MAPK10: variants seen among roughly 807,000 people sequenced by gnomAD.
MAPK10 encodes JNK3 alpha protein kinase.
A neutral mutation model predicts 59.3 loss-of-function variants in MAPK10; 25 were observed. The ratio of observed to expected loss-of-function variants is 0.42; its 90% CI spans 0.31 to 0.59. The LOEUF is 0.59. Among genes scored for constraint, MAPK10 ranks in the 20% least tolerant of loss-of-function variants. MAPK10 has a pLI of 0.15. For missense variants in MAPK10, 351 were observed against 568.9 expected (o/e 0.62, Z 3.90); for synonymous variants, 190 against 200.5 (o/e 0.95, Z 0.44).
rs201097900 is a variant in MAPK10, at chr4:86,101,237, A to G, written c.565-20T>C. The G allele has an allele frequency of 1.8e-4, 284 of 1,594,654 alleles. 1 individual carries two copies. The East Asian group carries it at 6.1e-3, about 34-fold the overall frequency. The stretch of plus-strand genomic sequence containing the variant: ...TAAATCCTAACAGTAAGGATAAGGG[A>G]AAAAATTAAAAGCCAGTATCAAGTG... On this transcript the variant is annotated intron_variant, in intron 7 of 13. Coordinates refer to ENST00000641462, the MANE Select transcript of MAPK10 (RefSeq NM_138982.4).
intron 1 of MAPK10, among the ~76,000 whole-genome samples, chr4:86,430,455 G>A (rs1048975320): frequency 7.2e-5 from 11 of 152,268 alleles, no homozygotes; most frequent in African/African-American, 2.6e-4. Flanking sequence ...TTTGGTAGGT[G>A]CTAGAAATAC....
intron 11 of MAPK10, among the ~76,000 whole-genome samples, chr4:86,040,401 A>G (rs2148937932): frequency 6.6e-6 from 1 of 152,324 alleles, no homozygotes; most frequent in East Asian, 1.9e-4. Context: ...GAAGGAGAAG[A>G]AAGAATTTGT....
At chr4:86,292,215 A>C (rs1010968270) in intron 2 of MAPK10, among the ~76,000 whole-genome samples, 4 of 152,222 alleles carry the variant, frequency 2.6e-5, no homozygotes, top group African/African-American at 9.6e-5. Flanking sequence ...GAACATCTAG[A>C]AATGTGTGCA....
At chr4:86,545,006 G>A (rs1443067621) in intron 1 of MAPK10, among the ~76,000 whole-genome samples, 1 of 152,010 alleles carries the variant, frequency 6.6e-6, no homozygotes, top group African/African-American at 2.4e-5. Context: ...AAGAGAGGAA[G>A]GAAGAAAGCA....
chr4:86,044,492 A>G (rs781465572), intron 11 of MAPK10: 3 of 362,692 alleles, frequency 8.3e-6, no homozygotes, highest in Non-Finnish European at 1.5e-5. Flanking sequence ...TTGCCTAGTT[A>G]TGTTTCATTT....
At chr4:86,098,715 C>T in intron 8 of MAPK10, 120 bp from the exon 9 acceptor site, 1 of 845,628 alleles carries the variant, frequency 1.2e-6, no homozygotes, top group Non-Finnish European at 1.9e-6. Flanking sequence ...TTTCACCTCC[C>T]ACCAAAAGTT....
chr4:86,089,102 T>C (rs2052550253), intron 9 of MAPK10: 14 of 862,312 alleles, frequency 1.6e-5, no homozygotes, highest in Non-Finnish European at 2.3e-5. Context: ...ATAGAAACTC[T>C]CTAAGGACAG....
At chr4:86,541,713 T>A (rs542517337) in intron 1 of MAPK10, among the ~76,000 whole-genome samples, 5 of 152,290 alleles carry the variant, frequency 3.3e-5, no homozygotes, top group African/African-American at 1.2e-4. Context: ...ACCCAGTAAT[T>A]ATTCTCTATT....
intron 2 of MAPK10, among the ~76,000 whole-genome samples, chr4:86,294,198 T>C (rs1204099096): frequency 5.9e-5 from 9 of 152,180 alleles, no homozygotes; most frequent in Non-Finnish European, 1.2e-4. Flanking sequence ...AGTGAGTCGA[T>C]AATATGCCCT....
chr4:86,209,142 T>C (rs748197927), intron 2 of MAPK10, among the ~76,000 whole-genome samples: 12 of 152,020 alleles, frequency 7.9e-5, no homozygotes, highest in Non-Finnish European at 1.5e-4. Context: ...CAGTTTTTAA[T>C]AGCAAAAAGT....
At chr4:86,365,886 CA>C (rs1331426326) in intron 1 of MAPK10, among the ~76,000 whole-genome samples, 3 of 152,072 alleles carry the variant, frequency 2.0e-5, no homozygotes, top group Non-Finnish European at 4.4e-5. Flanking sequence ...TTAAATAAGT[CA>C]ATGTAAGTTC....
intron 1 of MAPK10, among the ~76,000 whole-genome samples, chr4:86,491,032 T>C (rs1387710826): frequency 1.3e-5 from 2 of 152,146 alleles, no homozygotes; most frequent in East Asian, 3.9e-4. Flanking sequence ...GCTAGTTAGC[T>C]TGTTTGTTTT....
At chr4:86,459,025 A>G (rs1220795543) in intron 1 of MAPK10, among the ~76,000 whole-genome samples, 1 of 152,238 alleles carries the variant, frequency 6.6e-6, no homozygotes, top group Non-Finnish European at 1.5e-5. Context: ...ACAAAGGACT[A>G]ATACCCAGAA....
At chr4:86,508,712 T>C (rs1755982900) in intron 1 of MAPK10, among the ~76,000 whole-genome samples, 1 of 152,182 alleles carries the variant, frequency 6.6e-6, no homozygotes, top group Non-Finnish European at 1.5e-5. Flanking sequence ...AAAATAAACA[T>C]TCTAAATAGT....
At chr4:86,542,367 G>A (rs1335827108) in intron 1 of MAPK10, 1 of 152,164 alleles carries the variant, frequency 6.6e-6, no homozygotes, top group Admixed American at 6.5e-5. Context: ...TGTTTAATAA[G>A]TCTTTCAACC....
At chr4:86,110,009 T>C (rs1561817362) in intron 4 of MAPK10, among the ~76,000 whole-genome samples, 1 of 152,346 alleles carries the variant, frequency 6.6e-6, no homozygotes, top group East Asian at 1.9e-4. Context: ...TCATGTTTGT[T>C]GGCTGCATAA....
chr4:86,074,772 C>T (rs1289373596), intron 9 of MAPK10, among the ~76,000 whole-genome samples: 2 of 131,828 alleles, frequency 1.5e-5, no homozygotes, highest in Admixed American at 7.4e-5. Context: ...CGCTGTTAGT[C>T]TGATGGGCTT....
intron 9 of MAPK10, among the ~76,000 whole-genome samples, chr4:86,078,019 A>G (rs1474452968): frequency 1.3e-5 from 2 of 152,172 alleles, no homozygotes; most frequent in Non-Finnish European, 2.9e-5. Flanking sequence ...AATATTCGTA[A>G]CGCAGGGAAC....
chr4:86,320,797 G>A (rs1363774924), intron 2 of MAPK10, among the ~76,000 whole-genome samples: 7 of 152,044 alleles, frequency 4.6e-5, no homozygotes, highest in Admixed American at 1.3e-4. Flanking sequence ...TCGGTCTAAC[G>A]TTTAAGTCTT....
Sources: gnomAD v4.1 joint callset for allele counts (sites outside exome capture counted in the v4.1 genomes callset) on GRCh38, gnomAD v4.1.1 for gene constraint, MANE v1.5 for transcripts, NCBI Gene and HGNC (gene_info 2026-07-23, HGNC 2026-07-21) for gene names.